Variants in SLC14A2 observed in about 807,000 individuals in gnomAD.
SLC14A2 encodes the protein solute carrier family 14 member 2.
In SLC14A2, 91 loss-of-function variants were observed where a neutral mutation model predicts 104.6. The observed-to-expected ratio is 0.87, with a 90% CI of 0.73 to 1.04. SLC14A2 has a LOEUF of 1.04. SLC14A2 is among the 50% of genes least tolerant of loss of function. SLC14A2 has a pLI of 0.00. For synonymous variants in SLC14A2, 476 were observed against 466.4 expected (o/e 1.02, Z -0.27); for missense variants, 1,189 against 1,156.0 (o/e 1.03, Z -0.41).
chr18:45,192,862 T>G, the SLC14A2 span, among the ~76,000 whole-genome samples: 3 of 152,060 alleles, frequency 2.0e-5, no homozygotes, highest in African/African-American at 7.2e-5. Context: ...TTCACTGTGT[T>G]AGCCAGGATG....
intron 1 of SLC14A2, among the ~76,000 whole-genome samples, chr18:45,288,184 C>T (rs571835487): frequency 4.6e-5 from 7 of 152,208 alleles, no homozygotes; most frequent in East Asian, 3.9e-4. Context: ...TGATACTGAC[C>T]CTCCTCCTTC....
At chr18:45,401,527 G>A (rs2086096066) in intron 1 of SLC14A2, among the ~76,000 whole-genome samples, 1 of 152,224 alleles carries the variant, frequency 6.6e-6, no homozygotes, top group South Asian at 2.1e-4. Context: ...ATGGGAGAGT[G>A]ATGGAAATGA....
chr18:45,185,423 A>G, the SLC14A2 span, among the ~76,000 whole-genome samples: 455 of 152,240 alleles, frequency 3.0e-3, 4 homozygotes, highest in Non-Finnish European at 5.1e-3. Context: ...AGACATGGTT[A>G]CCTCCGAGGA....
chr18:45,262,066 C>A (rs1039069807), intron 1 of SLC14A2, among the ~76,000 whole-genome samples: 13 of 152,110 alleles, frequency 8.5e-5, no homozygotes, highest in Admixed American at 8.5e-4. Context: ...CTCTCCAGCA[C>A]CTGTTGTTTC....
chr18:45,667,190 AGACTT>A, intron 13 of SLC14A2, 96 bp downstream of exon 13: 1 of 914,378 alleles, frequency 1.1e-6, no homozygotes, highest in Non-Finnish European at 1.7e-6. Context: ...CCTATAGACT[AGACTT>A]AGACTAGACT....
At chr18:45,668,606 C>A in intron 15 of SLC14A2, 129 bp downstream of exon 15, 1 of 1,037,234 alleles carries the variant, frequency 9.6e-7, no homozygotes, top group Non-Finnish European at 1.4e-6. Flanking sequence ...CAGAAATGTC[C>A]ACTGGACTAA....
chr18:45,514,301 A>C (rs1833417), intron 2 of SLC14A2, among the ~76,000 whole-genome samples: 32,823 of 152,046 alleles, frequency 0.22, 3,996 homozygotes, highest in African/African-American at 0.31. Flanking sequence ...GACGGGAGAG[A>C]GATAGCATGC....
chr18:45,519,178 G>A (rs868533), intron 2 of SLC14A2, among the ~76,000 whole-genome samples: 4 of 151,916 alleles, frequency 2.6e-5, no homozygotes, highest in South Asian at 2.1e-4. Flanking sequence ...AAAAAATGTC[G>A]TCCATCTGCA....
At chr18:45,576,781 T>C (rs78299091) in intron 2 of SLC14A2, among the ~76,000 whole-genome samples, 6,931 of 152,156 alleles carry the variant, frequency 0.046, 196 homozygotes, top group Non-Finnish European at 0.064. Flanking sequence ...ACAACTGCCA[T>C]TGCAAGGACA....
At chr18:45,219,630 G>A (rs979200997) in intron 1 of SLC14A2, among the ~76,000 whole-genome samples, 2 of 152,156 alleles carry the variant, frequency 1.3e-5, no homozygotes, top group African/African-American at 4.8e-5. Context: ...CCTTGTTTTC[G>A]TGCCTCTGAA....
At chr18:45,626,373 C>A (rs1052805912) in intron 3 of SLC14A2, among the ~76,000 whole-genome samples, 1 of 152,176 alleles carries the variant, frequency 6.6e-6, no homozygotes, top group African/African-American at 2.4e-5. Flanking sequence ...CTAGCCCCGA[C>A]ACCTGCACCA....
At chr18:45,290,737 T>C (rs2084861088) in intron 1 of SLC14A2, among the ~76,000 whole-genome samples, 1 of 152,210 alleles carries the variant, frequency 6.6e-6, no homozygotes, top group South Asian at 2.1e-4. Context: ...ATATTTTCGA[T>C]ATGTTTGGTT....
intron 2 of SLC14A2, among the ~76,000 whole-genome samples, chr18:45,571,865 T>G (rs2044351283): frequency 6.6e-6 from 1 of 150,484 alleles, no homozygotes; most frequent in Non-Finnish European, 1.5e-5. Context: ...ATGGGTTGAT[T>G]GATAGGGTTG....
chr18:45,231,063 A>T (rs961487256), intron 1 of SLC14A2, among the ~76,000 whole-genome samples: 8 of 152,234 alleles, frequency 5.3e-5, no homozygotes, highest in Non-Finnish European at 8.8e-5. Flanking sequence ...AATGTCAAGG[A>T]ATAGAAGGGC....
chr18:45,441,290 C>T lies in SLC14A2; in HGVS notation c.-124-41943C>T, dbSNP rs1018214082. On this transcript the variant is annotated intron_variant, in intron 1 of 20. Transcript: ENST00000586448. ...TCAAGCAGAGATTCCAAGGATAAGTCTACATGTGCCCTCTTGTGGAGGGGC... is the reference window on the plus strand; with the variant it reads ...TCAAGCAGAGATTCCAAGGATAAGTTTACATGTGCCCTCTTGTGGAGGGGC... Among the ~76,000 whole-genome samples, 3 of 152,172 alleles carry T rather than the reference C, an allele frequency of 2.0e-5. No individual in the cohort carries two copies. The East Asian group carries it at 5.8e-4, about 29-fold the overall frequency.
intron 1 of SLC14A2, chr18:45,483,081 G>C (rs1297366043): frequency 6.6e-6 from 1 of 152,126 alleles, no homozygotes; most frequent in Non-Finnish European, 1.5e-5. Flanking sequence ...TAACAGATGA[G>C]TTTTATGTCC....
rs192656872 is a variant in SLC14A2, at chr18:45,465,948, C to T, written c.-124-17285C>T. Among the ~76,000 whole-genome samples, 159 of 152,112 alleles carry T rather than the reference C, an allele frequency of 1.0e-3. 1 individual carries two copies. The highest frequency in any genetic ancestry group is 1.7e-3 in the Non-Finnish European group (116 of 68,000). On this transcript the variant is annotated intron_variant, in intron 1 of 20. Coordinates refer to the SLC14A2 transcript ENST00000586448. ...TCCTGACTTCCTAGGTAGCCCAAGA[C>T]CTGTTAATAACAAAAACAACAACCA...
intron 2 of SLC14A2, among the ~76,000 whole-genome samples, chr18:45,503,175 G>A (rs1036706689): frequency 1.3e-5 from 2 of 152,106 alleles, no homozygotes; most frequent in African/African-American, 2.4e-5. Context: ...GATGCTGCAG[G>A]GGAGTGATAG....
chr18:45,494,893 C>T (rs886705823), intron 2 of SLC14A2, among the ~76,000 whole-genome samples: 1 of 136,314 alleles, frequency 7.3e-6, no homozygotes, highest in Non-Finnish European at 1.5e-5. Context: ...AAAACAGAAT[C>T]GGGTCATCAC....
Sources: gnomAD v4.1 joint callset for allele counts (sites outside exome capture counted in the v4.1 genomes callset) on GRCh38, gnomAD v4.1.1 for gene constraint, MANE v1.5 for transcripts, NCBI Gene and HGNC (gene_info 2026-07-23, HGNC 2026-07-21) for gene names.